The following CCDC7 variants were observed in gnomAD, a reference collection of about 807,000 sequenced individuals.
CCDC7 encodes coiled-coil domain-containing protein 7.
Under a neutral mutation model 196.9 loss-of-function variants are expected in CCDC7, and 183 were observed. The ratio of observed to expected loss-of-function variants is 0.93; its 90% confidence interval spans 0.82 to 1.05. The LOEUF (loss-of-function observed/expected upper bound fraction) is 1.05. Among genes scored for constraint, CCDC7 ranks in the 50% least tolerant of loss-of-function variants. The pLI, the probability that CCDC7 is intolerant of heterozygous loss-of-function variation, is 0.00. For missense variants in CCDC7, 1,540 were observed against 1,482.2 expected, an observed-to-expected ratio of 1.04 and a Z score of -0.64; for synonymous variants, 525 against 484.6, an observed-to-expected ratio of 1.08 and a Z score of -1.10.
At chr10:32,558,999 C>T (rs148691875) in intron 13 of CCDC7, among the ~76,000 whole-genome samples, 6,022 of 152,318 alleles carry the variant, frequency 0.04, 129 homozygotes, top group Middle Eastern at 0.051. Flanking sequence ...TAAAAAACAG[C>T]GCACCAGGAG....
intron 13 of CCDC7, among the ~76,000 whole-genome samples, chr10:32,549,162 C>T (rs932628500): frequency 2.6e-5 from 4 of 152,072 alleles, no homozygotes; most frequent in African/African-American, 9.7e-5. Context: ...CCTGATCATT[C>T]ATGATGTTGA....
At chr10:32,825,119 G>A (rs80160132) in intron 32 of CCDC7, among the ~76,000 whole-genome samples, 6,486 of 152,170 alleles carry the variant, frequency 0.043, 180 homozygotes, top group Middle Eastern at 0.068. Flanking sequence ...TTAATTTTTC[G>A]TGTTATACCC....
chr10:32,605,058 G>A lies in CCDC7; in HGVS notation c.1801+20754G>A, dbSNP rs1327652840. ...TGTGGGGGCAGATCCCTCATGGCTT[G>A]GTGCTATCCTCATGGTAGTGAGTTC... On this transcript the variant is annotated intron_variant, in intron 18 of 41. Transcript: ENST00000639629. Among the ~76,000 whole-genome samples, 7 of 152,010 alleles carry A rather than the reference G, an allele frequency of 4.6e-5. 1 individual carries two copies. The highest frequency in any genetic ancestry group is 4.6e-4 in the Admixed American group (7 of 15,252).
intron 29 of CCDC7, among the ~76,000 whole-genome samples, chr10:32,784,518 G>C (rs1317410655): frequency 6.6e-6 from 1 of 152,148 alleles, no homozygotes; most frequent in East Asian, 1.9e-4. Context: ...AAGGATAATG[G>C]CTTCCAGCTT....
intron 41 of CCDC7, among the ~76,000 whole-genome samples, chr10:32,868,108 T>C (rs566275999): frequency 6.6e-6 from 1 of 152,142 alleles, no homozygotes; most frequent in Non-Finnish European, 1.5e-5. Context: ...CCTTCCTTTA[T>C]TTAACTGAAT....
chr10:32,595,032 A>G (rs2060176782), intron 18 of CCDC7, among the ~76,000 whole-genome samples: 1 of 152,134 alleles, frequency 6.6e-6, no homozygotes. Flanking sequence ...TATCCCTGCT[A>G]GGCTTTGGTA....
intron 20 of CCDC7, 75 bp from the exon 22 acceptor site, chr10:32,663,979 A>G (rs16933582): frequency 0.12 from 47,314 of 386,594 alleles, 3,456 homozygotes; most frequent in African/African-American, 0.25. Context: ...ATGGCTGTAT[A>G]CTTGTTATAA....
chr10:32,794,760 T>C (rs1250605611), intron 29 of CCDC7, among the ~76,000 whole-genome samples: 1 of 152,236 alleles, frequency 6.6e-6, no homozygotes, highest in African/African-American at 2.4e-5. Context: ...TTTGCCCATA[T>C]TTTAATGGGG....
At chr10:32,494,440 G>GAC (rs1278854420) in intron 9 of CCDC7, among the ~76,000 whole-genome samples, 1 of 150,904 alleles carries the variant, frequency 6.6e-6, no homozygotes, top group East Asian at 1.9e-4. Flanking sequence ...TACATGTACA[G>GAC]AATGTGCAGG....
chr10:32,521,488 C>G (rs1261726238), intron 11 of CCDC7, among the ~76,000 whole-genome samples: 3 of 151,366 alleles, frequency 2.0e-5, no homozygotes. Context: ...ATTTCTTTTT[C>G]AGATTATTCA....
At chr10:32,753,402 C>G (rs541111545) in intron 28 of CCDC7, among the ~76,000 whole-genome samples, 3 of 151,958 alleles carry the variant, frequency 2.0e-5, no homozygotes, top group African/African-American at 7.2e-5. Context: ...ATTTATTGAG[C>G]CTTTATTATC....
At chr10:32,862,968 G>T (rs1205520881) in intron 41 of CCDC7, among the ~76,000 whole-genome samples, 4 of 152,032 alleles carry the variant, frequency 2.6e-5, no homozygotes, top group Non-Finnish European at 4.4e-5. Flanking sequence ...TTTGCACACT[G>T]ACAACTAGAA....
chr10:32,831,813 G>C (rs1565646367), intron 32 of CCDC7, among the ~76,000 whole-genome samples: 1 of 152,124 alleles, frequency 6.6e-6, no homozygotes, highest in African/African-American at 2.4e-5. Context: ...CCTGTCTGAG[G>C]CTGTTCTACA....
At chr10:32,457,821 T>C (rs2034691193) in intron 3 of CCDC7, among the ~76,000 whole-genome samples, 1 of 152,184 alleles carries the variant, frequency 6.6e-6, no homozygotes, top group South Asian at 2.1e-4. Flanking sequence ...TTTAGCCATT[T>C]GTGTATCTTT....
intron 33 of CCDC7, among the ~76,000 whole-genome samples, chr10:32,841,305 AG>A (rs1344995484): frequency 6.6e-6 from 1 of 152,104 alleles, no homozygotes; most frequent in African/African-American, 2.4e-5. Flanking sequence ...GCAAAGTTTC[AG>A]GATACAAACT....
chr10:32,660,167 C>T (rs2070971033), intron 20 of CCDC7, among the ~76,000 whole-genome samples: 1 of 148,582 alleles, frequency 6.7e-6, no homozygotes, highest in South Asian at 2.2e-4. Flanking sequence ...GGTACATGTG[C>T]ACATTGTGCA....
intron 29 of CCDC7, among the ~76,000 whole-genome samples, chr10:32,802,173 G>A (rs1328003897): frequency 6.6e-6 from 1 of 152,140 alleles, no homozygotes; most frequent in Non-Finnish European, 1.5e-5. Context: ...CTAGAGCCGG[G>A]AGATAGAATC....
chr10:32,515,101 C>T (rs2046821574), intron 9 of CCDC7, among the ~76,000 whole-genome samples: 1 of 152,328 alleles, frequency 6.6e-6, no homozygotes, highest in Non-Finnish European at 1.5e-5. Context: ...TCTGTGATTA[C>T]AGGTGTGAGC....
At chr10:32,735,565 T>C (rs2084726010) in intron 28 of CCDC7, among the ~76,000 whole-genome samples, 2 of 152,220 alleles carry the variant, frequency 1.3e-5, no homozygotes, top group African/African-American at 4.8e-5. Flanking sequence ...TAGGTTTATT[T>C]CTTTTTCTTA....
Sources: gnomAD v4.1 joint callset for allele counts (sites outside exome capture counted in the v4.1 genomes callset) on GRCh38, gnomAD v4.1.1 for gene constraint, MANE v1.5 for transcripts, NCBI Gene and HGNC (gene_info 2026-07-23, HGNC 2026-07-21) for gene names.